The following NKAPL variants were observed in gnomAD, a reference collection of about 807,000 sequenced individuals.
NKAPL encodes the protein NFKB activating protein like.
NKAPL carries 7 observed loss-of-function variants against 14.7 expected under a neutral mutation model. The observed-to-expected ratio is 0.48, with a 90% CI of 0.27 to 0.89. The LOEUF (loss-of-function observed/expected upper bound fraction) is 0.89, where lower values mean the gene tolerates loss of function less well. Ranked by LOEUF, NKAPL falls within the 40% of genes least tolerant of loss-of-function variation. NKAPL has a pLI of 0.12. For synonymous variants in NKAPL, 192 were observed against 179.9 expected (o/e 1.07, Z -0.54); for missense variants, 466 against 494.1 (o/e 0.94, Z 0.54).
At position 28,259,704 on chromosome 6, in the gene NKAPL, C is replaced by T. The variant is rs1183424759; in HGVS notation, c.333C>T (p.Tyr111=). The change falls in exon 1 of 1, where the codon TAC becomes TAT. Residue 111 remains tyrosine (Y), a synonymous_variant. Coordinates refer to ENST00000343684, the MANE Select transcript of NKAPL (RefSeq NM_001007531.3). ...AAGAACGGCAGTCAGCGGAAGACTA[C>T]GAGAAGGAAGAGAGCCATCGGCAGA... ...YAEERQSAED[Y]EKEESHRQRR... 10 of 1,614,030 alleles carry T rather than the reference C, an allele frequency of 6.2e-6. No individual in the cohort carries two copies. In the South Asian group the frequency reaches 8.8e-5, roughly 14 times the overall value.
chr6:28,260,924 G>T lies in NKAPL; in HGVS notation c.*344G>T. On this transcript the variant is annotated 3_prime_UTR_variant, in exon 1 of 1. Transcript: ENST00000343684. Reference sequence around the variant, plus strand: ...ACAAGAGTATATGTTGCAGCATAAAGATTAAAAGCTATTAAAGTTTTTTTT... The same window carrying T: ...ACAAGAGTATATGTTGCAGCATAAATATTAAAAGCTATTAAAGTTTTTTTT... The T allele has an allele frequency of 5.5e-6, 1 of 181,246 alleles. No individual in the cohort carries two copies. The allele number at this position is 181,246 out of a possible 1,614,324, so 11.2% of individuals were successfully genotyped here.
chr6:28,259,740 G>A lies in NKAPL; in HGVS notation c.369G>A (p.Lys123=). Residue 123 remains lysine, a synonymous_variant, in exon 1 of 1, where the codon AAG becomes AAA. Transcript: ENST00000343684. The part of the protein sequence containing the change: ...KEESHRQRRL[K]ERERIGELGA... Reference sequence around the variant, plus strand: ...AGAGCCATCGGCAGAGGAGGCTGAAGGAGAGAGAGAGGATTGGGGAATTGG... The same window carrying A: ...AGAGCCATCGGCAGAGGAGGCTGAAAGAGAGAGAGAGGATTGGGGAATTGG... The A allele has an allele frequency of 3.1e-6, 5 of 1,614,184 alleles. No homozygotes were observed. The highest frequency in any genetic ancestry group is 4.2e-6 in the Non-Finnish European group (5 of 1,180,036).
chr6:28,259,526 G>A lies in NKAPL; in HGVS notation c.155G>A (p.Arg52Lys). Residue 52 changes from arginine to lysine, a missense_variant, in exon 1 of 1, where the codon AGG (arginine) becomes AAG (lysine). Arg to Lys is a conservative substitution (Grantham distance 26). Coordinates refer to ENST00000343684, the MANE Select transcript of NKAPL (RefSeq NM_001007531.3). The stretch of plus-strand genomic sequence containing the variant: ...CACTCCCGCGGCCGTGAGGGCCTCA[G>A]GCCTCCTTGGAGTGAGTTGGACGTG... ...RSHSRGREGLRPPWSELDVGA... is the reference protein window; with the variant it reads ...RSHSRGREGLKPPWSELDVGA... The A allele has an allele frequency of 1.2e-6, 2 of 1,614,238 alleles. No individual in the cohort carries two copies. Among genetic ancestry groups the A allele is most frequent in the Non-Finnish European group, 1.7e-6 (2 of 1,180,036 alleles).
Position 28,260,660 on chromosome 6 carries a change from A to AC in NKAPL, c.*81dup. On this transcript the variant is annotated 3_prime_UTR_variant, in exon 1 of 1. Coordinates refer to ENST00000343684, the MANE Select transcript of NKAPL (RefSeq NM_001007531.3). ...AAGTGTTAAAAGGCTTTACAGTGCT[A>AC]CTGTACTTACCATATTAGTAAGTCC... 6.6e-7 allele frequency: 1 copy of AC among 1,513,482 alleles called. No homozygotes were observed. The highest frequency in any genetic ancestry group is 8.8e-7 in the Non-Finnish European group (1 of 1,131,912). 93.8% of individuals were successfully genotyped at this position (1,513,482 alleles called of 1,614,324 possible).
In NKAPL at chr6:28,260,504, G is replaced by A. The variant is rs1209791311; in HGVS notation, c.1133G>A (p.Arg378Gln). 6.2e-7 allele frequency: 1 copy of A among 1,613,940 alleles called. No individual in the cohort carries two copies. The part of the protein sequence containing the change: ...ALASFNQEER[R>Q]KRESKILASF... The stretch of plus-strand genomic sequence containing the variant: ...GCATCCTTTAACCAAGAAGAGAGAC[G>A]AAAGAGAGAAAGTAAGATTTTAGCC... The change falls in exon 1 of 1, where the codon CGA becomes CAA. Residue 378 changes from arginine to glutamine, a missense_variant. Physicochemically the swap from Arg to Gln is conservative, Grantham distance 43. Coordinates refer to ENST00000343684, the MANE Select transcript of NKAPL (RefSeq NM_001007531.3).
chr6:28,259,523 T>A lies in NKAPL; in HGVS notation c.152T>A (p.Leu51His). The A allele has an allele frequency of 6.2e-7, 1 of 1,614,234 alleles. No individual in the cohort carries two copies. Among genetic ancestry groups the A allele is most frequent in the Non-Finnish European group, 8.5e-7 (1 of 1,180,042 alleles). Residue 51 changes from leucine to histidine, a missense_variant, in exon 1 of 1, where the codon CTC becomes CAC. Coordinates refer to ENST00000343684, the MANE Select transcript of NKAPL (RefSeq NM_001007531.3). ...SRSHSRGREG[L>H]RPPWSELDVG... is the part of the protein sequence containing the mutation. ...TCTCACTCCCGCGGCCGTGAGGGCC[T>A]CAGGCCTCCTTGGAGTGAGTTGGAC...
rs188555654 is a variant in NKAPL, at chr6:28,260,762, A to C, written c.*182A>C. ...TTTAACTTTAAAAAGTAATATGTGC[A>C]CATGGTTTTAAAAATATTCAACCAT... On this transcript the variant is annotated 3_prime_UTR_variant, in exon 1 of 1. Transcript: ENST00000343684. 1 of 657,944 alleles carries C rather than the reference A, an allele frequency of 1.5e-6. No individual in the cohort carries two copies. Among genetic ancestry groups the C allele is most frequent in the Admixed American group, 3.4e-5 (1 of 29,054 alleles). 40.8% of individuals were successfully genotyped at this position (657,944 alleles called of 1,614,324 possible). A position where few individuals can be genotyped will look rare whatever the true frequency, so the allele number is the denominator to read the frequency against.
Position 28,260,289 on chromosome 6 carries a change from A to G in NKAPL, c.918A>G (p.Ala306=). 7 of 1,614,232 alleles carry G rather than the reference A, an allele frequency of 4.3e-6. No individual in the cohort carries two copies. Among genetic ancestry groups the G allele is most frequent in the Non-Finnish European group, 5.9e-6 (7 of 1,180,038 alleles). The change falls in exon 1 of 1, where the codon GCA becomes GCG. Residue 306 remains alanine, a synonymous_variant. Transcript: ENST00000343684. ...ATGCTTTGCTTCCCGGTGAAGGTGC[A>G]GCTATGGCTGAGTATGTAAAAGCTG... ...YGHALLPGEG[A]AMAEYVKAGK...
At position 28,260,091 on chromosome 6, in the gene NKAPL, GAAT is replaced by G. The variant is rs1761310341; in HGVS notation, c.723_725del (p.Asn241del). ...AGAAACACAAAACAAAGAAAAAGAAGAATAAGAAAACCAAAAAAGAATCCAGTG... is the reference window on the plus strand; with the variant it reads ...AGAAACACAAAACAAAGAAAAAGAAGAAGAAAACCAAAAAAGAATCCAGTG... On this transcript the variant is annotated inframe_deletion, in exon 1 of 1. Transcript: ENST00000343684. The G allele has an allele frequency of 6.3e-7, 1 of 1,580,654 alleles. No individual in the cohort carries two copies. The highest frequency in any genetic ancestry group is 8.5e-7 in the Non-Finnish European group (1 of 1,170,768).
Position 28,259,361 on chromosome 6 carries a change from AGGCGC to A in NKAPL, c.-7_-3del. Reference sequence around the variant, plus strand: ...GGTCTGTAGCAACCGCCCAGCGTTGAGGCGCGGCTCATGCCCCCAGTATCCCGGTC... The same window carrying A: ...GGTCTGTAGCAACCGCCCAGCGTTGAGGCTCATGCCCCCAGTATCCCGGTC... On this transcript the variant is annotated 5_prime_UTR_variant, in exon 1 of 1. Transcript: ENST00000343684. The A allele has an allele frequency of 5.2e-6, 8 of 1,552,888 alleles. No individual in the cohort carries two copies. Among genetic ancestry groups the A allele is most frequent in the Non-Finnish European group, 7.0e-6 (8 of 1,145,036 alleles).
rs555491495 is a variant in NKAPL, at chr6:28,260,083, A to G, written c.712A>G (p.Lys238Glu). 4 of 1,579,942 alleles carry G rather than the reference A, an allele frequency of 2.5e-6. No individual in the cohort carries two copies. Among genetic ancestry groups the G allele is most frequent in the East Asian group, 2.2e-5 (1 of 44,796 alleles). ...KKKKKKHKTK[K>E]KKNKKTKKES... ...GAAGAAAAAGAAACACAAAACAAAG[A>G]AAAAGAAGAATAAGAAAACCAAAAA... The change falls in exon 1 of 1, where the codon AAA (lysine) becomes GAA (glutamate). Residue 238 changes from lysine to glutamate, a missense_variant. Coordinates refer to ENST00000343684, the MANE Select transcript of NKAPL (RefSeq NM_001007531.3).
chr6:28,259,907 A>T lies in NKAPL; in HGVS notation c.536A>T (p.Lys179Met). ...AACTCGGAAGAACATAGGAAAAAGAAGACCAGTCGTTCAAGAAACAAGAAA... is the reference window on the plus strand; with the variant it reads ...AACTCGGAAGAACATAGGAAAAAGATGACCAGTCGTTCAAGAAACAAGAAA... The part of the protein sequence containing the change: ...DSNSEEHRKK[K>M]TSRSRNKKKR... Residue 179 changes from lysine (K) to methionine (M), a missense_variant, in exon 1 of 1, where the codon AAG becomes ATG. By Grantham distance (95) the Lys-to-Met change is moderately conservative. Coordinates refer to ENST00000343684, the MANE Select transcript of NKAPL (RefSeq NM_001007531.3). The T allele has an allele frequency of 3.1e-6, 5 of 1,612,456 alleles. No homozygotes were observed. Among genetic ancestry groups the T allele is most frequent in the Non-Finnish European group, 4.2e-6 (5 of 1,179,688 alleles).
chr6:28,259,375 C>G lies in NKAPL; in HGVS notation c.4C>G (p.Pro2Ala). The stretch of plus-strand genomic sequence containing the variant: ...GCCCAGCGTTGAGGCGCGGCTCATG[C>G]CCCCAGTATCCCGGTCCAGCTATTC... Reference protein sequence around the residue: MPPVSRSSYSED... With the variant: MAPVSRSSYSED... Residue 2 changes from proline to alanine, a missense_variant, in exon 1 of 1, where the codon CCC (proline) becomes GCC (alanine). Physicochemically the swap from Pro to Ala is conservative, Grantham distance 27 (BLOSUM62 -1). Coordinates refer to ENST00000343684, the MANE Select transcript of NKAPL (RefSeq NM_001007531.3). 6.4e-7 allele frequency: 1 copy of G among 1,570,370 alleles called. No homozygotes were observed. Among genetic ancestry groups the G allele is most frequent in the Non-Finnish European group, 8.7e-7 (1 of 1,153,128 alleles).
At position 28,260,448 on chromosome 6, in the gene NKAPL, G is replaced by A. The variant is rs1368925421; in HGVS notation, c.1077G>A (p.Gln359=). 2 of 1,614,162 alleles carry A rather than the reference G, an allele frequency of 1.2e-6. No homozygotes were observed. Among genetic ancestry groups the A allele is most frequent in the South Asian group, 2.2e-5 (2 of 91,084 alleles). The stretch of plus-strand genomic sequence containing the variant: ...CTGTACGACTGCGTAAGGAGAACCA[G>A]ATCTACAGTGCTGATGAGAAGAGAG... ...MEAVRLRKEN[Q]IYSADEKRAL... The change falls in exon 1 of 1, where the codon CAG becomes CAA. Residue 359 remains glutamine, a synonymous_variant. Coordinates refer to ENST00000343684, the MANE Select transcript of NKAPL (RefSeq NM_001007531.3).
chr6:28,260,174 A>C lies in NKAPL; in HGVS notation c.803A>C (p.Gln268Pro). 1 of 1,614,054 alleles carries C rather than the reference A, an allele frequency of 6.2e-7. No individual in the cohort carries two copies. The highest frequency in any genetic ancestry group is 8.5e-7 in the Non-Finnish European group (1 of 1,179,946). ...EDLSEATWME[Q>P]PNVADTMDLI... ...TTGTCAGAAGCTACCTGGATGGAGC[A>C]GCCAAATGTGGCAGATACTATGGAT... Residue 268 changes from glutamine to proline, a missense_variant, in exon 1 of 1, where the codon CAG (glutamine) becomes CCG (proline). Transcript: ENST00000343684.
chr6:28,260,611 A>T lies in NKAPL; in HGVS notation c.*31A>T. On this transcript the variant is annotated 3_prime_UTR_variant, in exon 1 of 1. Transcript: ENST00000343684. ...TACTTGTTGCACAGCAGGAATTTTA[A>T]CAACAAAAATTTTATGTGACCAAAA... The T allele has an allele frequency of 1.9e-6, 3 of 1,582,336 alleles. No homozygotes were observed. Among genetic ancestry groups the T allele is most frequent in the Non-Finnish European group, 1.7e-6 (2 of 1,166,206 alleles).
chr6:28,259,354 A>T lies in NKAPL; in HGVS notation c.-18A>T. ...GCCTCTGGGTCTGTAGCAACCGCCC[A>T]GCGTTGAGGCGCGGCTCATGCCCCC... On this transcript the variant is annotated 5_prime_UTR_variant, in exon 1 of 1. Transcript: ENST00000343684. 1 of 1,542,246 alleles carries T rather than the reference A, an allele frequency of 6.5e-7. No individual in the cohort carries two copies. Among genetic ancestry groups the T allele is most frequent in the Non-Finnish European group, 8.8e-7 (1 of 1,140,528 alleles).
rs141251788 is a variant in NKAPL, at chr6:28,259,478, C to T, written c.107C>T (p.Ser36Phe). Residue 36 changes from serine (S) to phenylalanine (F), a missense_variant, in exon 1 of 1, where the codon TCT (serine) becomes TTT (phenylalanine). Ser to Phe is a radical substitution (Grantham distance 155). Transcript: ENST00000343684. ...SPPSPQSRCS[S>F]WDGCSRSHSR... ...CCATCCCCGCAGAGCAGATGTTCCT[C>T]TTGGGATGGCTGTTCCCGCTCTCAC... 2.5e-6 allele frequency: 4 copies of T among 1,614,150 alleles called. No homozygotes were observed. In the South Asian group the frequency reaches 4.4e-5, roughly 18 times the overall value.
Position 28,260,676 on chromosome 6 carries a change from T to C in NKAPL, c.*96T>C. On this transcript the variant is annotated 3_prime_UTR_variant, in exon 1 of 1. Coordinates refer to ENST00000343684, the MANE Select transcript of NKAPL (RefSeq NM_001007531.3). The stretch of plus-strand genomic sequence containing the variant: ...TACAGTGCTACTGTACTTACCATAT[T>C]AGTAAGTCCCTCAGGAAAAAGCTTC... The C allele has an allele frequency of 6.9e-7, 1 of 1,447,234 alleles. No individual in the cohort carries two copies. The allele number at this position is 1,447,234 out of a possible 1,614,324, so 89.6% of individuals were successfully genotyped here. A position where few individuals can be genotyped will look rare whatever the true frequency, so the allele number is the denominator to read the frequency against.
Sources: gnomAD v4.1 joint callset for allele counts on GRCh38, gnomAD v4.1.1 for gene constraint, MANE v1.5 for transcripts, NCBI Gene and HGNC (gene_info 2026-07-23, HGNC 2026-07-21) for gene names.